GNA12: variants seen among roughly 807,000 people sequenced by gnomAD.
The protein encoded by GNA12 is G protein subunit alpha 12, also known as guanine nucleotide-binding protein subunit alpha-12.
GNA12 carries 9 observed loss-of-function variants against 26.0 expected under a neutral mutation model. The observed-to-expected ratio is 0.35, with a 90% confidence interval of 0.21 to 0.60. GNA12 has a LOEUF of 0.60. GNA12 is among the 20% of genes least tolerant of loss of function. The probability of loss-of-function intolerance (pLI) is 0.78; values close to 1 mark genes in which losing one functional copy is unlikely to be tolerated. For synonymous variants in GNA12, 264 were observed against 219.6 expected, an observed-to-expected ratio of 1.20 and a Z score of -1.79; for missense variants, 405 against 525.8, an observed-to-expected ratio of 0.77 and a Z score of 2.25.
chr7:2,769,417 A>T (rs1361351326), intron 2 of GNA12, among the ~76,000 whole-genome samples: 1 of 152,184 alleles, frequency 6.6e-6, no homozygotes, highest in African/African-American at 2.4e-5. Flanking sequence ...GTCAAAGAGT[A>T]TCCATATTAA....
chr7:2,828,437 T>C (rs980327251), intron 1 of GNA12, among the ~76,000 whole-genome samples: 22 of 152,206 alleles, frequency 1.4e-4, no homozygotes, highest in Non-Finnish European at 2.6e-4. Flanking sequence ...TACTGTAATC[T>C]TGAACTGCTG....
chr7:2,800,828 C>T (rs938285142), intron 1 of GNA12, among the ~76,000 whole-genome samples: 1 of 152,146 alleles, frequency 6.6e-6, no homozygotes, highest in Non-Finnish European at 1.5e-5. Context: ...TTCCTTCCTC[C>T]CGGCTCCCCC....
chr7:2,793,215 A>C (rs901736705), intron 2 of GNA12, among the ~76,000 whole-genome samples: 1 of 152,180 alleles, frequency 6.6e-6, no homozygotes, highest in African/African-American at 2.4e-5. Context: ...CATGGACTGC[A>C]AGAGACCAAG....
intron 2 of GNA12, among the ~76,000 whole-genome samples, chr7:2,768,902 G>A (rs954814956): frequency 6.6e-6 from 1 of 152,124 alleles, no homozygotes; most frequent in African/African-American, 2.4e-5. Context: ...TTCCAAGTTG[G>A]TTTTTACCCT....
intron 1 of GNA12, chr7:2,815,158 G>A: frequency 4.9e-6 from 3 of 609,092 alleles, no homozygotes; most frequent in Non-Finnish European, 8.2e-6. Context: ...CAAAAAGCAA[G>A]TGGACAGGAA....
intron 1 of GNA12, among the ~76,000 whole-genome samples, chr7:2,818,404 A>G (rs13222410): frequency 1.3e-5 from 2 of 152,218 alleles, no homozygotes; most frequent in African/African-American, 2.4e-5. Context: ...AGTCTCTCCA[A>G]CGGAGAACCA....
In GNA12 at chr7:2,840,200, T is replaced by C. The variant is rs117739659; in HGVS notation, c.309+3653A>G. On this transcript the variant is annotated intron_variant, in intron 1 of 3. Transcript: ENST00000275364. ...TGAGGGAAAGCTGGCAGAGGGTATGTGGGATCTCTACTATTTCTTACAACT... is the reference window on the plus strand; with the variant it reads ...TGAGGGAAAGCTGGCAGAGGGTATGCGGGATCTCTACTATTTCTTACAACT... Among the ~76,000 whole-genome samples the C allele has an allele frequency of 8.1e-3, 1,231 of 152,332 alleles. 4 individuals are homozygous for C. The highest frequency in any genetic ancestry group is 0.013 in the Non-Finnish European group (856 of 68,024).
At chr7:2,739,562 A>T (rs1483120832) in intron 2 of GNA12, among the ~76,000 whole-genome samples, 1 of 152,180 alleles carries the variant, frequency 6.6e-6, no homozygotes, top group Non-Finnish European at 1.5e-5. Context: ...CTTTGTTTCC[A>T]GTTTTTGGCC....
intron 2 of GNA12, among the ~76,000 whole-genome samples, chr7:2,783,438 T>A (rs1165400803): frequency 1.3e-5 from 2 of 152,070 alleles, no homozygotes; most frequent in African/African-American, 4.8e-5. Context: ...TCTTTGTGCG[T>A]ATCCTTTCCA....
At chr7:2,807,884 G>T (rs1419586893) in intron 1 of GNA12, among the ~76,000 whole-genome samples, 1 of 152,158 alleles carries the variant, frequency 6.6e-6, no homozygotes, top group African/African-American at 2.4e-5. Context: ...ACACACGACC[G>T]AAGAGCAGCC....
intron 1 of GNA12, among the ~76,000 whole-genome samples, chr7:2,831,857 G>C (rs1215303175): frequency 2.0e-5 from 3 of 152,170 alleles, no homozygotes; most frequent in African/African-American, 7.2e-5. Context: ...GTAAACATCT[G>C]AACCAGCTAT....
In GNA12 at chr7:2,731,877, C is replaced by A. The variant is rs1789915329; in HGVS notation, c.577-127G>T. The A allele has an allele frequency of 3.8e-6, 2 of 531,758 alleles. No homozygotes were observed. Among genetic ancestry groups the A allele is most frequent in the South Asian group, 7.3e-5 (2 of 27,272 alleles). The allele number at this position is 531,758 out of a possible 1,614,324, so 32.9% of individuals were successfully genotyped here. On this transcript the variant is annotated intron_variant, in intron 3 of 3. Coordinates refer to ENST00000275364, the MANE Select transcript of GNA12 (RefSeq NM_007353.3). This position sits in a 1 kb window ranked among gnomAD's most constrained non-coding sequence, Gnocchi z 6.0. ...TTTTGCAACAGGTTGAACCAGAAAC[C>A]AAAAGCAAATTTCATTTATAACATT...
chr7:2,729,788 G>A lies in GNA12; in HGVS notation c.*1393C>T, dbSNP rs900333666. The A allele has an allele frequency of 6.6e-6, 1 of 152,394 alleles. No individual in the cohort carries two copies. The highest frequency in any genetic ancestry group is 1.5e-5 in the Non-Finnish European group (1 of 68,066). 9.4% of individuals were successfully genotyped at this position (152,394 alleles called of 1,614,324 possible). A position where few individuals can be genotyped will look rare whatever the true frequency, so the allele number is the denominator to read the frequency against. On this transcript the variant is annotated 3_prime_UTR_variant, in exon 4 of 4. Transcript: ENST00000275364. ...CTAGGACACATCCCAAAACACACTA[G>A]GCAGGATTTCTCAGTAGAGTGATAC...
intron 2 of GNA12, among the ~76,000 whole-genome samples, chr7:2,734,250 A>G (rs1287735644): frequency 6.6e-6 from 1 of 152,194 alleles, no homozygotes. Flanking sequence ...GAGCGCAACC[A>G]CCGACCACAG....
intron 2 of GNA12, among the ~76,000 whole-genome samples, chr7:2,743,887 C>T (rs532031107): frequency 4.3e-4 from 65 of 152,152 alleles, no homozygotes; most frequent in African/African-American, 1.2e-3. Flanking sequence ...GCACCTGGCT[C>T]GGAGGGTCCT....
At chr7:2,841,571 C>G (rs1778989051) in intron 1 of GNA12, among the ~76,000 whole-genome samples, 1 of 151,096 alleles carries the variant, frequency 6.6e-6, no homozygotes, top group Admixed American at 6.6e-5. Context: ...CTCTGACGCA[C>G]CGAGAGGCTT....
At chr7:2,803,332 G>A (rs35061197) in intron 1 of GNA12, among the ~76,000 whole-genome samples, 11 of 152,292 alleles carry the variant, frequency 7.2e-5, no homozygotes, top group African/African-American at 2.4e-4. Flanking sequence ...GAAAGGGGAC[G>A]ATCGAGGGCT....
At chr7:2,812,990 C>G (rs1407309923) in intron 1 of GNA12, among the ~76,000 whole-genome samples, 1 of 152,190 alleles carries the variant, frequency 6.6e-6, no homozygotes, top group East Asian at 1.9e-4. Context: ...GTCGCCCAGG[C>G]TGCTGTGCTG....
intron 1 of GNA12, among the ~76,000 whole-genome samples, chr7:2,820,830 C>G (rs1302989207): frequency 6.6e-6 from 1 of 152,262 alleles, no homozygotes; most frequent in Non-Finnish European, 1.5e-5. Context: ...TTTCAAGCTC[C>G]TGGACTCAAG....
Sources: allele counts gnomAD v4.1 joint callset (sites outside exome capture counted in the v4.1 genomes callset), GRCh38; gene constraint gnomAD v4.1.1; non-coding constraint Gnocchi (gnomAD v3.1); transcripts MANE v1.5; gene names NCBI Gene and HGNC (gene_info 2026-07-23, HGNC 2026-07-21).